Variants in NDUFA10 observed in about 807,000 individuals in gnomAD.
NDUFA10 encodes NADH dehydrogenase [ubiquinone] 1 alpha subcomplex subunit 10, mitochondrial.
In NDUFA10, 40 loss-of-function variants were observed where a neutral mutation model predicts 47.8. The ratio of observed to expected loss-of-function variants is 0.84; its 90% CI spans 0.65 to 1.09. NDUFA10 has a LOEUF of 1.09. Among genes scored for constraint, NDUFA10 ranks in the 50% least tolerant of loss-of-function variants. The pLI is 0.00. For synonymous variants in NDUFA10, 183 were observed against 172.2 expected (o/e 1.06, Z -0.49); for missense variants, 413 against 451.1 (o/e 0.92, Z 0.76).
chr2:239,907,836 T>C (rs1230596631), intron 4 of NDUFA10, among the ~76,000 whole-genome samples: 2 of 152,216 alleles, frequency 1.3e-5, no homozygotes, highest in African/African-American at 2.4e-5. Context: ...GAAGACAGTG[T>C]GGCAATTCCT....
Position 239,960,200 on chromosome 2 carries a change from A to C in NDUFA10, c.*918T>G. The stretch of plus-strand genomic sequence containing the variant: ...CCTAATGGACACAGTGGAGCTTTAC[A>C]GTGGAAAACCCACAGTTCAGTAGGA... On this transcript the variant is annotated 3_prime_UTR_variant, in exon 10 of 10. Coordinates refer to ENST00000252711, the MANE Select transcript of NDUFA10 (RefSeq NM_004544.4). 1.0e-6 allele frequency: 1 copy of C among 983,364 alleles called. No individual in the cohort carries two copies. Among genetic ancestry groups the C allele is most frequent in the Non-Finnish European group, 1.2e-6 (1 of 829,860 alleles). 60.9% of individuals were successfully genotyped at this position (983,364 alleles called of 1,614,324 possible).
chr2:240,002,344 A>G (rs1696760173), intron 8 of NDUFA10, among the ~76,000 whole-genome samples: 1 of 149,414 alleles, frequency 6.7e-6, no homozygotes, highest in Non-Finnish European at 1.5e-5. Flanking sequence ...AAAAAAAAAA[A>G]AAAAAAAAAA....
intron 4 of NDUFA10, among the ~76,000 whole-genome samples, chr2:239,933,133 G>A (rs77692775): frequency 0.025 from 3,796 of 152,234 alleles, 140 homozygotes; most frequent in African/African-American, 0.087. Context: ...CGGAGTGAGG[G>A]ATAGGAGGCT....
At chr2:239,962,241 C>A (rs886419388) in intron 9 of NDUFA10, among the ~76,000 whole-genome samples, 2 of 123,304 alleles carry the variant, frequency 1.6e-5, no homozygotes, top group African/African-American at 3.0e-5. Context: ...ACACACACAC[C>A]CCTTCCAAAT....
chr2:239,988,964 G>A (rs1022041545), intron 9 of NDUFA10, among the ~76,000 whole-genome samples: 3 of 147,860 alleles, frequency 2.0e-5, no homozygotes, highest in Admixed American at 1.4e-4. Flanking sequence ...ACACACAAGT[G>A]TACAAGGACA....
chr2:239,978,706 G>A (rs572216221), intron 9 of NDUFA10, among the ~76,000 whole-genome samples: 1 of 152,328 alleles, frequency 6.6e-6, no homozygotes, highest in South Asian at 2.1e-4. Flanking sequence ...TTAATTAAAT[G>A]TTATGAAAAC....
chr2:240,023,503 T>C (rs1404739093), intron 1 of NDUFA10, among the ~76,000 whole-genome samples: 1 of 152,164 alleles, frequency 6.6e-6, no homozygotes, highest in Non-Finnish European at 1.5e-5. Flanking sequence ...TCTACAGCAT[T>C]AGGAATCCAT....
Position 239,928,052 on chromosome 2 carries a change from A to T in NDUFA10, c.295-32738T>A, listed in dbSNP as rs1204687905. ...ACAAAACACCAGTACCCAGGTAAAG[A>T]GCGACTGAAGTCAAGAAGGGCCCTC... On this transcript the variant is annotated intron_variant, in intron 4 of 5. Coordinates refer to the NDUFA10 transcript ENST00000419408. The surrounding 1 kb of genome is among the most constrained non-coding windows in gnomAD (Gnocchi z 4.3). Among the ~76,000 whole-genome samples the T allele has an allele frequency of 6.6e-6, 1 of 152,202 alleles. No homozygotes were observed. Among genetic ancestry groups the T allele is most frequent in the Non-Finnish European group, 1.5e-5 (1 of 68,034 alleles).
chr2:239,902,090 T>A (rs1203022658), intron 4 of NDUFA10, among the ~76,000 whole-genome samples: 1 of 152,172 alleles, frequency 6.6e-6, no homozygotes, highest in Non-Finnish European at 1.5e-5. Flanking sequence ...TACATAAACT[T>A]CGTTAATAAA....
At chr2:239,909,723 T>A (rs1170592173) in intron 4 of NDUFA10, among the ~76,000 whole-genome samples, 1 of 149,898 alleles carries the variant, frequency 6.7e-6, no homozygotes, top group Non-Finnish European at 1.5e-5. Flanking sequence ...CAAAAGCAAT[T>A]GCAACAAAAG....
At chr2:239,935,681 T>A (rs1369326886) in intron 4 of NDUFA10, among the ~76,000 whole-genome samples, 1 of 152,214 alleles carries the variant, frequency 6.6e-6, no homozygotes, top group Non-Finnish European at 1.5e-5. Flanking sequence ...AATTAAATCA[T>A]GAGAGTGGTT....
Position 240,016,029 on chromosome 2 carries a change from T to C in NDUFA10, c.548-1169A>G, listed in dbSNP as rs546796058. Among the ~76,000 whole-genome samples the C allele has an allele frequency of 2.6e-5, 4 of 151,680 alleles. No individual in the cohort carries two copies. The highest frequency in any genetic ancestry group is 4.8e-5 in the African/African-American group (2 of 41,320). ...AACATTAGCCAGTCTCCTAACCTAGTCTCAAAATAAATAAATAAAAATTTT... is the reference window on the plus strand; with the variant it reads ...AACATTAGCCAGTCTCCTAACCTAGCCTCAAAATAAATAAATAAAAATTTT... On this transcript the variant is annotated intron_variant, in intron 4 of 9. Coordinates refer to ENST00000252711, the MANE Select transcript of NDUFA10 (RefSeq NM_004544.4). This position sits in a 1 kb window ranked among gnomAD's most constrained non-coding sequence, Gnocchi z 4.4.
At position 239,963,780 on chromosome 2, in the gene NDUFA10, G is replaced by C. The variant is rs552337425; in HGVS notation, c.1000-2594C>G. 6.6e-4 allele frequency among the ~76,000 whole-genome samples: 100 copies of C among 152,344 alleles called. 3 individuals are homozygous for C. Among genetic ancestry groups the C allele is most frequent in the African/African-American group, 2.3e-3 (95 of 41,580 alleles). On this transcript the variant is annotated intron_variant, in intron 9 of 9. Coordinates refer to ENST00000252711, the MANE Select transcript of NDUFA10 (RefSeq NM_004544.4). The stretch of plus-strand genomic sequence containing the variant: ...GCGCCATGTGAGCCGACCATCCAGG[G>C]TGCTGGACAAGAGAAGAGGCCAAAG...
rs184710938 is a variant in NDUFA10 at position 239,960,785 on chromosome 2, G to A, written c.*333C>T. The stretch of plus-strand genomic sequence containing the variant: ...TTCTGGAAGTCAGAAGAAAAACAAT[G>A]TGCACAACCTGAATGACACAGAGCG... On this transcript the variant is annotated 3_prime_UTR_variant, in exon 10 of 10. Transcript: ENST00000252711. 4.0e-6 allele frequency: 5 copies of A among 1,245,536 alleles called. No homozygotes were observed. The highest frequency in any genetic ancestry group is 5.1e-6 in the Non-Finnish European group (5 of 979,240). 77.2% of individuals were successfully genotyped at this position (1,245,536 alleles called of 1,614,324 possible). A position where few individuals can be genotyped will look rare whatever the true frequency, so the allele number is the denominator to read the frequency against.
rs141554625 is a variant in NDUFA10, at chr2:239,923,983, T to G, written c.295-28669A>C. Among the ~76,000 whole-genome samples the G allele has an allele frequency of 1.2e-4, 19 of 152,192 alleles. No homozygotes were observed. In the East Asian group the frequency reaches 3.5e-3, roughly 28 times the overall value. On this transcript the variant is annotated intron_variant, in intron 4 of 5. Coordinates refer to the NDUFA10 transcript ENST00000419408. Reference sequence around the variant, plus strand: ...TACAAACATTACTGCACACATAAATTTCACAACTTAGATGACATGGATCAA... The same window carrying G: ...TACAAACATTACTGCACACATAAATGTCACAACTTAGATGACATGGATCAA...
chr2:240,003,533 AT>A (rs1204437875), intron 8 of NDUFA10, among the ~76,000 whole-genome samples: 1 of 152,238 alleles, frequency 6.6e-6, no homozygotes, highest in Non-Finnish European at 1.5e-5. Context: ...CAAAAGGCAG[AT>A]CCCCAAATAG....
intron 1 of NDUFA10, among the ~76,000 whole-genome samples, chr2:240,023,384 T>C (rs1697721317): frequency 6.6e-6 from 1 of 152,184 alleles, no homozygotes; most frequent in African/African-American, 2.4e-5. Flanking sequence ...AACATTAGTT[T>C]TTCATGTGTC....
At chr2:239,920,108 G>A (rs1002044807) in intron 4 of NDUFA10, among the ~76,000 whole-genome samples, 2 of 152,236 alleles carry the variant, frequency 1.3e-5, no homozygotes, top group Non-Finnish European at 2.9e-5. Context: ...GGGCCTTTGG[G>A]AGGTGGTCAG....
chr2:239,927,147 T>C (rs1679492775), intron 4 of NDUFA10, among the ~76,000 whole-genome samples: 1 of 152,202 alleles, frequency 6.6e-6, no homozygotes, highest in Admixed American at 6.5e-5. Context: ...ACATGGATGA[T>C]CCTGACCGTA....
Sources: allele counts gnomAD v4.1 joint callset (sites outside exome capture counted in the v4.1 genomes callset), GRCh38; gene constraint gnomAD v4.1.1; non-coding constraint Gnocchi (gnomAD v3.1); transcripts MANE v1.5; gene names NCBI Gene and HGNC (gene_info 2026-07-23, HGNC 2026-07-21).